The following PEX7 variants were observed in gnomAD, a reference collection of about 807,000 sequenced individuals.
PEX7 encodes the protein peroxisomal biogenesis factor 7, also known as PTS2 receptor.
In PEX7, 34 loss-of-function variants were observed where a neutral mutation model predicts 47.5. That is an observed-to-expected ratio of 0.72 (90% confidence interval 0.54 to 0.95). The LOEUF is 0.95. Among genes scored for constraint, PEX7 ranks in the 40% least tolerant of loss-of-function variants. The probability of loss-of-function intolerance (pLI) is 0.00; values close to 1 mark genes in which losing one functional copy is unlikely to be tolerated. For missense variants in PEX7, 394 were observed against 400.3 expected, an observed-to-expected ratio of 0.98 and a Z score of 0.13; for synonymous variants, 141 against 148.8, an observed-to-expected ratio of 0.95 and a Z score of 0.38.
chr6:136,883,888 A>G (rs1030721997), intron 8 of PEX7, among the ~76,000 whole-genome samples: 2 of 152,206 alleles, frequency 1.3e-5, no homozygotes, highest in African/African-American at 4.8e-5. Flanking sequence ...TACGAAGTGG[A>G]GCATTGCTTC....
chr6:136,848,115 T>C (rs1409683061), intron 5 of PEX7, among the ~76,000 whole-genome samples: 1 of 152,186 alleles, frequency 6.6e-6, no homozygotes, highest in East Asian at 1.9e-4. Context: ...CAATTGTGAA[T>C]GGGAGTTCAC....
Position 136,859,976 on chromosome 6 carries a change from A to G in PEX7, c.527-6651A>G, listed in dbSNP as rs191115045. 2.6e-5 allele frequency among the ~76,000 whole-genome samples: 4 copies of G among 151,574 alleles called. No homozygotes were observed. In the South Asian group the frequency reaches 6.3e-4, roughly 24 times the overall value. ...GAGGCAGAGGTTGCAGTGAGCCACT[A>G]CACTCCAGCCTGGGTGACAGAGTTA... On this transcript the variant is annotated intron_variant, in intron 5 of 9. Transcript: ENST00000318471.
chr6:136,870,864 T>A (rs894633276), intron 7 of PEX7: 3 of 240,504 alleles, frequency 1.2e-5, no homozygotes, highest in African/African-American at 7.1e-5. Flanking sequence ...GCCCGGCTAA[T>A]TTTTTTGTAT....
At chr6:136,894,290 C>T (rs1775606397) in intron 8 of PEX7, among the ~76,000 whole-genome samples, 2 of 152,092 alleles carry the variant, frequency 1.3e-5, no homozygotes, top group Admixed American at 6.6e-5. Context: ...AACCCCGTCT[C>T]TACTAAAAAT....
chr6:136,847,891 G>A (rs535579207), intron 5 of PEX7, among the ~76,000 whole-genome samples: 4 of 152,156 alleles, frequency 2.6e-5, no homozygotes, highest in Non-Finnish European at 5.9e-5. Flanking sequence ...GAAAGTCATT[G>A]GCAGCTTGAT....
At chr6:136,898,345 A>G (rs1352439346) in intron 9 of PEX7, 104 bp downstream of exon 9, 2 of 775,996 alleles carry the variant, frequency 2.6e-6, no homozygotes, top group South Asian at 1.4e-5. Flanking sequence ...TTTTAGCTAT[A>G]TAAGCTGGAG....
At chr6:136,838,520 G>A (rs761681823) in intron 3 of PEX7, among the ~76,000 whole-genome samples, 10 of 152,194 alleles carry the variant, frequency 6.6e-5, no homozygotes, top group Middle Eastern at 3.2e-3. Flanking sequence ...TGTGGGTCTT[G>A]TTTGGGTACT....
At chr6:136,838,315 G>A (rs1392294188) in intron 3 of PEX7, among the ~76,000 whole-genome samples, 2 of 152,174 alleles carry the variant, frequency 1.3e-5, no homozygotes, top group African/African-American at 4.8e-5. Context: ...AATTGGAAGG[G>A]TAGAGAAAAA....
intron 8 of PEX7, among the ~76,000 whole-genome samples, chr6:136,880,425 T>C (rs1319306376): frequency 1.3e-5 from 2 of 152,202 alleles, no homozygotes; most frequent in Non-Finnish European, 2.9e-5. Flanking sequence ...TTTCTCATGA[T>C]GGTTTTAGGT....
intron 1 of PEX7, chr6:136,823,376 G>C (rs1021359482): frequency 2.0e-6 from 2 of 983,230 alleles, no homozygotes; most frequent in Non-Finnish European, 2.4e-6. Flanking sequence ...GCACACATTC[G>C]CAAGTAGGTG....
At chr6:136,907,449 G>A (rs1189392784) in intron 9 of PEX7, among the ~76,000 whole-genome samples, 1 of 151,654 alleles carries the variant, frequency 6.6e-6, no homozygotes, top group African/African-American at 2.4e-5. Context: ...GCAGTATAAT[G>A]TCTTGGCTGC....
At chr6:136,867,519 A>C (rs1445358141) in intron 6 of PEX7, among the ~76,000 whole-genome samples, 2 of 152,178 alleles carry the variant, frequency 1.3e-5, no homozygotes, top group Non-Finnish European at 2.9e-5. Context: ...AAAAAATTAA[A>C]TAGAAAAAAG....
At chr6:136,865,320 T>C (rs1048618336) in intron 5 of PEX7, among the ~76,000 whole-genome samples, 3 of 152,112 alleles carry the variant, frequency 2.0e-5, no homozygotes, top group African/African-American at 7.2e-5. Flanking sequence ...TTTTTTGAGA[T>C]AGAATTTCAC....
intron 5 of PEX7, among the ~76,000 whole-genome samples, chr6:136,855,546 G>C (rs896350143): frequency 2.6e-5 from 4 of 152,054 alleles, no homozygotes; most frequent in Admixed American, 1.3e-4. Flanking sequence ...CGCCTTGTTG[G>C]CCAGGCTGGT....
At chr6:136,905,362 T>C (rs1775829391) in intron 9 of PEX7, among the ~76,000 whole-genome samples, 1 of 152,208 alleles carries the variant, frequency 6.6e-6, no homozygotes, top group Non-Finnish European at 1.5e-5. Flanking sequence ...TGTCACACTA[T>C]CAGTAAGTTC....
intron 2 of PEX7, among the ~76,000 whole-genome samples, chr6:136,825,696 G>A (rs1323637002): frequency 6.6e-6 from 1 of 152,054 alleles, no homozygotes; most frequent in Non-Finnish European, 1.5e-5. Context: ...ACCACACCCG[G>A]CTAATTTTTG....
chr6:136,860,343 C>A (rs915258709), intron 5 of PEX7, among the ~76,000 whole-genome samples: 2 of 151,540 alleles, frequency 1.3e-5, no homozygotes, highest in African/African-American at 4.9e-5. Flanking sequence ...CAGCTCCTGC[C>A]CAGCAGTCTT....
chr6:136,837,219 C>A (rs1007878975), intron 3 of PEX7, among the ~76,000 whole-genome samples: 2 of 151,490 alleles, frequency 1.3e-5, no homozygotes, highest in Admixed American at 1.3e-4. Context: ...AAAAAATTAG[C>A]CGGGTGTGGT....
intron 8 of PEX7, among the ~76,000 whole-genome samples, chr6:136,879,485 G>C (rs576418418): frequency 8.5e-5 from 13 of 152,100 alleles, no homozygotes; most frequent in African/African-American, 3.1e-4. Flanking sequence ...TGAGAATTCT[G>C]ATGCCAGTCT....
Sources: gnomAD v4.1 joint callset for allele counts (sites outside exome capture counted in the v4.1 genomes callset) on GRCh38, gnomAD v4.1.1 for gene constraint, MANE v1.5 for transcripts, NCBI Gene and HGNC (gene_info 2026-07-23, HGNC 2026-07-21) for gene names.